Variants in STK4 observed in about 807,000 individuals in gnomAD.
STK4 encodes serine/threonine-protein kinase 4.
Under a neutral mutation model 64.9 loss-of-function variants are expected in STK4, and 30 were observed. The observed-to-expected ratio is 0.46, with a 90% CI of 0.35 to 0.63. The LOEUF (loss-of-function observed/expected upper bound fraction) is 0.63, where lower values mean the gene tolerates loss of function less well. Ranked by LOEUF, STK4 falls within the 20% of genes least tolerant of loss-of-function variation. The pLI is 0.01. For synonymous variants in STK4, 177 were observed against 199.0 expected, an observed-to-expected ratio of 0.89 and a Z score of 0.93; for missense variants, 466 against 598.5, an observed-to-expected ratio of 0.78 and a Z score of 2.31.
At chr20:45,006,767 C>T (rs192029687) in intron 9 of STK4, among the ~76,000 whole-genome samples, 25 of 152,256 alleles carry the variant, frequency 1.6e-4, no homozygotes, top group Admixed American at 1.4e-3. Context: ...TCTTACCTAC[C>T]GAAGCAGAAG....
At chr20:45,072,298 G>A (rs993208495) in intron 10 of STK4, among the ~76,000 whole-genome samples, 1 of 152,178 alleles carries the variant, frequency 6.6e-6, no homozygotes, top group African/African-American at 2.4e-5. Flanking sequence ...CTTGCCCAAA[G>A]TTGCAGAATA....
At chr20:45,068,232 C>CT (rs1979753387) in intron 10 of STK4, among the ~76,000 whole-genome samples, 1 of 152,326 alleles carries the variant, frequency 6.6e-6, no homozygotes, top group Middle Eastern at 3.4e-3. Flanking sequence ...GTCCATCTGA[C>CT]TTAACACCAG....
At chr20:44,975,538 AAAG>A (rs2067325016) in intron 2 of STK4, 1 of 217,128 alleles carries the variant, frequency 4.6e-6, no homozygotes, top group South Asian at 1.6e-4. Flanking sequence ...AAGGGATAGG[AAAG>A]AAATCTAAAT....
chr20:44,981,045 T>C (rs570411139), intron 3 of STK4, among the ~76,000 whole-genome samples: 1 of 152,320 alleles, frequency 6.6e-6, no homozygotes, highest in African/African-American at 2.4e-5. Context: ...ATTCCTGTTT[T>C]GTAGCCTGCT....
intron 10 of STK4, among the ~76,000 whole-genome samples, chr20:45,058,574 C>A (rs1017516367): frequency 1.3e-5 from 2 of 152,098 alleles, no homozygotes; most frequent in African/African-American, 4.8e-5. Flanking sequence ...TTTTAGCTTT[C>A]AAATTTTGCT....
chr20:44,989,200 A>G (rs2067590265), intron 5 of STK4, among the ~76,000 whole-genome samples: 1 of 152,178 alleles, frequency 6.6e-6, no homozygotes. Flanking sequence ...ACTGTTTTCC[A>G]AAGTGGCTCA....
At chr20:45,010,091 C>T (rs185924040) in intron 9 of STK4, among the ~76,000 whole-genome samples, 105 of 152,042 alleles carry the variant, frequency 6.9e-4, no homozygotes, top group Admixed American at 1.8e-3. Context: ...TTTTCTGAAA[C>T]GGAGTCTTGC....
intron 10 of STK4, among the ~76,000 whole-genome samples, chr20:45,032,074 C>T (rs2068454332): frequency 6.6e-6 from 1 of 151,930 alleles, no homozygotes; most frequent in South Asian, 2.1e-4. Context: ...ATAGAAGGAG[C>T]AATGAGAATA....
intron 10 of STK4, among the ~76,000 whole-genome samples, chr20:45,049,057 AATGT>A (rs1277258553): frequency 6.6e-6 from 1 of 152,004 alleles, no homozygotes; most frequent in Non-Finnish European, 1.5e-5. Flanking sequence ...AGCTCAAGTA[AATGT>A]ATGTGCGTAT....
intron 7 of STK4, among the ~76,000 whole-genome samples, chr20:45,000,107 A>G (rs2067808647): frequency 6.6e-6 from 1 of 152,158 alleles, no homozygotes; most frequent in Admixed American, 6.5e-5. Context: ...ATGTTTACAC[A>G]AGTTCCTCCA....
intron 5 of STK4, among the ~76,000 whole-genome samples, chr20:44,989,265 C>T (rs1203720122): frequency 2.6e-5 from 4 of 152,128 alleles, no homozygotes; most frequent in African/African-American, 4.8e-5. Flanking sequence ...GCATCCTCGC[C>T]AACATTTTCT....
intron 10 of STK4, chr20:45,053,201 T>A (rs1978299448): frequency 6.3e-7 from 1 of 1,594,058 alleles, no homozygotes; most frequent in African/African-American, 1.3e-5. Context: ...GTCATCTTTG[T>A]CTCAGAACCA....
At chr20:45,040,145 G>A (rs897048153) in intron 10 of STK4, among the ~76,000 whole-genome samples, 7 of 146,376 alleles carry the variant, frequency 4.8e-5, no homozygotes, top group Admixed American at 2.1e-4. Flanking sequence ...CTCTTTTTCC[G>A]TTGTTAGAAA....
Position 45,079,592 on chromosome 20 carries a change from GAAA to G in STK4, c.*4422_*4424del, listed in dbSNP as rs904990313. ...GAATACATGTTCTTGTTTGTGTTTG[GAAA>G]AAAAATCTCTTTTACCAGCTTGCAC... On this transcript the variant is annotated 3_prime_UTR_variant, in exon 11 of 11. Transcript: ENST00000372806. 6.6e-6 allele frequency: 1 copy of G among 151,350 alleles called. No homozygotes were observed. Among genetic ancestry groups the G allele is most frequent in the South Asian group, 2.1e-4 (1 of 4,776 alleles). 9.4% of individuals were successfully genotyped at this position (151,350 alleles called of 1,614,324 possible).
chr20:45,046,996 C>T (rs955487248), intron 10 of STK4, among the ~76,000 whole-genome samples: 5 of 152,120 alleles, frequency 3.3e-5, no homozygotes, highest in African/African-American at 1.2e-4. Context: ...GCTTTTCTTA[C>T]TCCAGTGTTA....
chr20:44,984,747 A>G (rs956717796), intron 4 of STK4, among the ~76,000 whole-genome samples: 1 of 152,178 alleles, frequency 6.6e-6, no homozygotes, highest in African/African-American at 2.4e-5. Flanking sequence ...TTTTGGATAA[A>G]TATGGTTAAG....
chr20:45,054,464 GAGGC>G (rs1230215831), intron 10 of STK4, among the ~76,000 whole-genome samples: 6 of 151,414 alleles, frequency 4.0e-5, no homozygotes, highest in African/African-American at 1.2e-4. Context: ...TCAAGAGGCT[GAGGC>G]AGGAGGATCA....
intron 9 of STK4, among the ~76,000 whole-genome samples, chr20:45,008,683 C>T (rs951360593): frequency 6.6e-6 from 1 of 152,220 alleles, no homozygotes; most frequent in African/African-American, 2.4e-5. Flanking sequence ...TCTCCATAGC[C>T]TCACCAGCAT....
rs2145497697 is a variant in STK4 at position 45,077,983 on chromosome 20, A to G, written c.*2807A>G. 1.3e-5 allele frequency: 2 copies of G among 152,312 alleles called. No individual in the cohort carries two copies. The highest frequency in any genetic ancestry group is 3.9e-4 in the East Asian group (2 of 5,172). The allele number at this position is 152,312 out of a possible 1,614,324, so 9.4% of individuals were successfully genotyped here. A position where few individuals can be genotyped will look rare whatever the true frequency, so the allele number is the denominator to read the frequency against. On this transcript the variant is annotated 3_prime_UTR_variant, in exon 11 of 11. Coordinates refer to ENST00000372806, the MANE Select transcript of STK4 (RefSeq NM_006282.5). ...CAAGGTATATTTGTTTTCTAGTGACAGAAAGGCAAAGGAACAAGTCCTAGT... is the reference window on the plus strand; with the variant it reads ...CAAGGTATATTTGTTTTCTAGTGACGGAAAGGCAAAGGAACAAGTCCTAGT...
Sources: gnomAD v4.1 joint callset for allele counts (sites outside exome capture counted in the v4.1 genomes callset) on GRCh38, gnomAD v4.1.1 for gene constraint, MANE v1.5 for transcripts, NCBI Gene and HGNC (gene_info 2026-07-23, HGNC 2026-07-21) for gene names.